The following PLPP3 variants were observed in gnomAD, a reference collection of about 807,000 sequenced individuals.
PLPP3 encodes the protein phospholipid phosphatase 3, also known as PAP2 beta.
In PLPP3, 6 loss-of-function variants were observed where a neutral mutation model predicts 29.6. That is an observed-to-expected ratio of 0.20 (90% CI 0.11 to 0.40). The LOEUF (loss-of-function observed/expected upper bound fraction) is 0.40. Ranked by LOEUF, PLPP3 falls within the 10% of genes least tolerant of loss-of-function variation. PLPP3 has a pLI of 1.00. For synonymous variants in PLPP3, 152 were observed against 159.7 expected (o/e 0.95, Z 0.36); for missense variants, 308 against 407.7 (o/e 0.76, Z 2.11).
In PLPP3 at chr1:56,524,025, C is replaced by G; in HGVS notation, c.576-145G>C. On this transcript the variant is annotated intron_variant, in intron 3 of 5. Transcript: ENST00000371250. The surrounding 1 kb of genome is among the most constrained non-coding windows in gnomAD (Gnocchi z 4.3). The stretch of plus-strand genomic sequence containing the variant: ...TTGCATCCTTGGTAGTGCTTTGGAC[C>G]CATGCCTGGAACATAGCAGGCACCT... 9.9e-7 allele frequency: 1 copy of G among 1,006,252 alleles called. No homozygotes were observed. Among genetic ancestry groups the G allele is most frequent in the East Asian group, 2.6e-5 (1 of 38,502 alleles). The allele number at this position is 1,006,252 out of a possible 1,614,324, so 62.3% of individuals were successfully genotyped here.
chr1:56,546,931 C>T (rs1646009899), intron 1 of PLPP3, among the ~76,000 whole-genome samples: 2 of 151,956 alleles, frequency 1.3e-5, no homozygotes, highest in Non-Finnish European at 1.5e-5. Flanking sequence ...AAAATCAAAA[C>T]AAAAACAATC....
At chr1:56,562,257 G>A (rs1646134957) in intron 1 of PLPP3, among the ~76,000 whole-genome samples, 1 of 151,964 alleles carries the variant, frequency 6.6e-6, no homozygotes, top group African/African-American at 2.4e-5. Flanking sequence ...CAAATATGCT[G>A]AGAAATGGAT....
At chr1:56,508,741 A>C (rs1557498168) in intron 5 of PLPP3, among the ~76,000 whole-genome samples, 1 of 152,128 alleles carries the variant, frequency 6.6e-6, no homozygotes, top group African/African-American at 2.4e-5. Flanking sequence ...ATAAAGCTGC[A>C]AAACCCATGA....
At chr1:56,515,248 T>C (rs1645772892) in intron 4 of PLPP3, among the ~76,000 whole-genome samples, 1 of 152,212 alleles carries the variant, frequency 6.6e-6, no homozygotes, top group Non-Finnish European at 1.5e-5. Flanking sequence ...GGTGATTTTA[T>C]TCTTTAATCA....
At chr1:56,566,511 G>A (rs1646162875) in intron 1 of PLPP3, among the ~76,000 whole-genome samples, 1 of 152,162 alleles carries the variant, frequency 6.6e-6, no homozygotes, top group African/African-American at 2.4e-5. Context: ...GAGGTACCTA[G>A]CTAGCACTCA....
intron 4 of PLPP3, among the ~76,000 whole-genome samples, chr1:56,522,233 C>T (rs1044771892): frequency 3.3e-5 from 5 of 152,146 alleles, no homozygotes; most frequent in African/African-American, 7.2e-5. Context: ...AGATATGGTG[C>T]CTGGCACACA....
chr1:56,555,457 AAAAC>A (rs1646070073), intron 1 of PLPP3, among the ~76,000 whole-genome samples: 1 of 149,404 alleles, frequency 6.7e-6, no homozygotes, highest in Non-Finnish European at 1.5e-5. Flanking sequence ...AAAAAAAAAA[AAAAC>A]AAAAAACAAA....
intron 5 of PLPP3, among the ~76,000 whole-genome samples, chr1:56,508,788 C>A (rs1325825964): frequency 6.6e-6 from 1 of 152,166 alleles, no homozygotes; most frequent in East Asian, 1.9e-4. Context: ...GTTCCCTCTC[C>A]CAGGCACCTG....
chr1:56,551,916 A>G (rs1490152533), intron 1 of PLPP3, among the ~76,000 whole-genome samples: 1 of 152,172 alleles, frequency 6.6e-6, no homozygotes, highest in African/African-American at 2.4e-5. Flanking sequence ...GTCCTAATCT[A>G]TTAAGGGACT....
intron 5 of PLPP3, among the ~76,000 whole-genome samples, chr1:56,500,536 C>A (rs998869157): frequency 3.9e-5 from 6 of 152,206 alleles, no homozygotes; most frequent in Non-Finnish European, 8.8e-5. Context: ...CATCCAGGAG[C>A]TGCAGGAAGC....
chr1:56,498,784 C>T (rs534291331), intron 5 of PLPP3, among the ~76,000 whole-genome samples: 1 of 152,062 alleles, frequency 6.6e-6, no homozygotes, highest in South Asian at 2.1e-4. Context: ...CAGGCACGTG[C>T]CACTATGCCT....
chr1:56,499,857 C>T lies in PLPP3; in HGVS notation c.811-3181G>A, dbSNP rs542923041. Among the ~76,000 whole-genome samples the T allele has an allele frequency of 3.9e-5, 6 of 152,264 alleles. No individual in the cohort carries two copies. The East Asian group carries it at 1.2e-3, about 29-fold the overall frequency. The stretch of plus-strand genomic sequence containing the variant: ...TCCATTTCCTACAGAAGATGATCTC[C>T]ACCCAGAAGGAAAACCCAGAGGCCC... On this transcript the variant is annotated intron_variant, in intron 5 of 5. Coordinates refer to ENST00000371250, the MANE Select transcript of PLPP3 (RefSeq NM_003713.5).
At chr1:56,559,663 C>A (rs546795978) in intron 1 of PLPP3, among the ~76,000 whole-genome samples, 6 of 151,548 alleles carry the variant, frequency 4.0e-5, no homozygotes, top group African/African-American at 1.2e-4. Flanking sequence ...ATCTGTTTTG[C>A]AAAATAACCA....
At chr1:56,514,235 T>C (rs1369963608) in intron 4 of PLPP3, among the ~76,000 whole-genome samples, 1 of 151,688 alleles carries the variant, frequency 6.6e-6, no homozygotes, top group African/African-American at 2.4e-5. Context: ...GAGGCTGGGG[T>C]CAATTACTAT....
chr1:56,547,038 T>C (rs954743059), intron 1 of PLPP3, among the ~76,000 whole-genome samples: 2 of 152,252 alleles, frequency 1.3e-5, no homozygotes, highest in Admixed American at 6.5e-5. Context: ...GTTGGCATCA[T>C]AAATCTTACT....
chr1:56,531,779 A>G (rs1425727138), intron 2 of PLPP3, among the ~76,000 whole-genome samples: 2 of 152,162 alleles, frequency 1.3e-5, no homozygotes, highest in Non-Finnish European at 2.9e-5. Flanking sequence ...AGTCACTTCA[A>G]CCTTATAAGC....
intron 5 of PLPP3, among the ~76,000 whole-genome samples, chr1:56,505,467 C>T (rs914546366): frequency 6.6e-6 from 1 of 152,202 alleles, no homozygotes; most frequent in Non-Finnish European, 1.5e-5. Flanking sequence ...TGAGCTTGAA[C>T]TGCATGGGTC....
intron 1 of PLPP3, among the ~76,000 whole-genome samples, chr1:56,551,492 C>T (rs897130505): frequency 2.0e-5 from 3 of 152,026 alleles, no homozygotes; most frequent in Non-Finnish European, 4.4e-5. Context: ...GAAGAGATGG[C>T]GTGGTAAGCA....
rs116481323 is a variant in PLPP3 at position 56,526,513 on chromosome 1, C to A, written c.298-1959G>T. On this transcript the variant is annotated intron_variant, in intron 2 of 5. Coordinates refer to ENST00000371250, the MANE Select transcript of PLPP3 (RefSeq NM_003713.5). ...CATTTACCCTATGTAACCTCACAGG[C>A]AAACAAGTTCCAGATGTTTATTACC... 5.3e-3 allele frequency among the ~76,000 whole-genome samples: 808 copies of A among 152,292 alleles called. 11 individuals carry two copies. Among genetic ancestry groups the A allele is most frequent in the African/African-American group, 0.018 (754 of 41,568 alleles).
Sources: gnomAD v4.1 joint callset for allele counts (sites outside exome capture counted in the v4.1 genomes callset) on GRCh38, gnomAD v4.1.1 for gene constraint, Gnocchi (gnomAD v3.1) non-coding constraint, MANE v1.5 for transcripts, NCBI Gene and HGNC (gene_info 2026-07-23, HGNC 2026-07-21) for gene names.